Variants in GRIK2 observed in about 807,000 individuals in gnomAD.
The protein encoded by GRIK2 is glutamate ionotropic receptor kainate type subunit 2, also known as glutamate receptor ionotropic, kainate 2.
A neutral mutation model predicts 100.3 loss-of-function variants in GRIK2; 32 were observed. That is an observed-to-expected ratio of 0.32 (90% CI 0.24 to 0.43). The LOEUF is 0.43. GRIK2 is among the 20% of genes least tolerant of loss of function. The pLI, the probability that GRIK2 is intolerant of heterozygous loss-of-function variation, is 1.00. For missense variants in GRIK2, 843 were observed against 1,114.9 expected (o/e 0.76, Z 3.47); for synonymous variants, 417 against 389.4 (o/e 1.07, Z -0.83).
At chr6:101,544,240 A>G (rs1776133881) in intron 2 of GRIK2, among the ~76,000 whole-genome samples, 1 of 152,174 alleles carries the variant, frequency 6.6e-6, no homozygotes, top group Non-Finnish European at 1.5e-5. Context: ...ACCCAGTGGC[A>G]ATATTTTTAT....
chr6:101,516,914 A>G (rs1423282937), intron 2 of GRIK2, among the ~76,000 whole-genome samples: 2 of 152,078 alleles, frequency 1.3e-5, no homozygotes, highest in African/African-American at 2.4e-5. Context: ...AACACAGTCT[A>G]TGTTTTGACA....
chr6:101,656,677 T>TA (rs1436839011), intron 4 of GRIK2, among the ~76,000 whole-genome samples: 1 of 152,160 alleles, frequency 6.6e-6, no homozygotes, highest in African/African-American at 2.4e-5. Flanking sequence ...AAAGCTACCT[T>TA]AAAAAACACA....
At chr6:102,056,816 AG>A (rs1771484387) in intron 16 of GRIK2, among the ~76,000 whole-genome samples, 1 of 151,986 alleles carries the variant, frequency 6.6e-6, no homozygotes, top group Non-Finnish European at 1.5e-5. Context: ...GCTTGATTAC[AG>A]TACTTGACAC....
At chr6:101,753,295 A>AAAAAAAAAAAAAAAAAGAAGAAG (rs1562358335) in intron 7 of GRIK2, among the ~76,000 whole-genome samples, 3 of 151,272 alleles carry the variant, frequency 2.0e-5, no homozygotes, top group African/African-American at 4.9e-5. Flanking sequence ...AAAAAAAAAA[A>AAAAAAAAAAAAAAAAAGAAGAAG]AAAAAAAGAA....
At chr6:101,727,613 T>TA (rs1335206405) in intron 7 of GRIK2, among the ~76,000 whole-genome samples, 2 of 152,128 alleles carry the variant, frequency 1.3e-5, no homozygotes, top group East Asian at 3.9e-4. Flanking sequence ...GGCTCATTGT[T>TA]ACATTTCCTG....
At chr6:101,790,469 T>G (rs1214127008) in intron 7 of GRIK2, among the ~76,000 whole-genome samples, 3 of 151,576 alleles carry the variant, frequency 2.0e-5, no homozygotes, top group Non-Finnish European at 2.9e-5. Flanking sequence ...GATAATCATG[T>G]GGTTTTTGTC....
chr6:101,826,483 G>C lies in GRIK2; in HGVS notation c.1317+8000G>C, dbSNP rs9485548. Among the ~76,000 whole-genome samples, 617 of 152,086 alleles carry C rather than the reference G, an allele frequency of 4.1e-3. 5 individuals are homozygous for C. Among genetic ancestry groups the C allele is most frequent in the African/African-American group, 0.014 (591 of 41,526 alleles). ...GATGAATGATACTCAAGTATGTATGGAGATGTTGGCAATGACTTTTGAGCA... is the reference window on the plus strand; with the variant it reads ...GATGAATGATACTCAAGTATGTATGCAGATGTTGGCAATGACTTTTGAGCA... On this transcript the variant is annotated intron_variant, in intron 10 of 16. Transcript: ENST00000369134.
At chr6:102,045,039 GC>G (rs1770808532) in intron 15 of GRIK2, among the ~76,000 whole-genome samples, 1 of 151,716 alleles carries the variant, frequency 6.6e-6, no homozygotes, top group Non-Finnish European at 1.5e-5. Flanking sequence ...TGTCCTAATG[GC>G]AAGGACCATA....
At chr6:101,761,486 C>G (rs1777662199) in intron 7 of GRIK2, among the ~76,000 whole-genome samples, 1 of 152,078 alleles carries the variant, frequency 6.6e-6, no homozygotes, top group Non-Finnish European at 1.5e-5. Context: ...TTCTCCAGAG[C>G]TCATGATAGC....
chr6:101,835,410 C>T (rs1352607769), intron 10 of GRIK2, among the ~76,000 whole-genome samples: 1 of 150,544 alleles, frequency 6.6e-6, no homozygotes. Context: ...AAAATTCTTA[C>T]CAATCTGAAA....
intron 4 of GRIK2, among the ~76,000 whole-genome samples, chr6:101,629,739 CAG>C (rs1258739795): frequency 4.6e-5 from 7 of 152,026 alleles, no homozygotes; most frequent in African/African-American, 1.7e-4. Flanking sequence ...ATTTTAAAAT[CAG>C]GGAGTGCATG....
chr6:101,505,945 A>T (rs145465175), intron 2 of GRIK2, among the ~76,000 whole-genome samples: 1 of 152,124 alleles, frequency 6.6e-6, no homozygotes. Context: ...ATTTGGATCG[A>T]ATATATTGTT....
chr6:101,762,276 A>G (rs550782938), intron 7 of GRIK2, among the ~76,000 whole-genome samples: 5 of 151,930 alleles, frequency 3.3e-5, no homozygotes, highest in South Asian at 2.1e-4. Flanking sequence ...CTGTGCTCGA[A>G]TGATCCTCCC....
intron 2 of GRIK2, among the ~76,000 whole-genome samples, chr6:101,525,034 C>G (rs941952930): frequency 6.6e-6 from 1 of 151,994 alleles, no homozygotes; most frequent in Non-Finnish European, 1.5e-5. Context: ...CACTGAGCCC[C>G]CACTTGCGTG....
At chr6:101,526,719 A>G (rs1258570825) in intron 2 of GRIK2, among the ~76,000 whole-genome samples, 1 of 152,184 alleles carries the variant, frequency 6.6e-6, no homozygotes, top group Non-Finnish European at 1.5e-5. Flanking sequence ...AAAGGAAGCT[A>G]CAGGTTGTAG....
intron 2 of GRIK2, among the ~76,000 whole-genome samples, chr6:101,548,146 C>T (rs111870327): frequency 0.052 from 7,963 of 151,860 alleles, 239 homozygotes; most frequent in Middle Eastern, 0.065. Flanking sequence ...TCATATCCTT[C>T]GCCCACTTTT....
intron 2 of GRIK2, among the ~76,000 whole-genome samples, chr6:101,504,585 T>TTA (rs1773926172): frequency 6.6e-6 from 1 of 151,614 alleles, no homozygotes. Context: ...ATGTAATACA[T>TTA]TATATATATT....
At chr6:101,704,350 AG>A (rs1265305912) in intron 7 of GRIK2, among the ~76,000 whole-genome samples, 2 of 151,646 alleles carry the variant, frequency 1.3e-5, no homozygotes, top group African/African-American at 4.8e-5. Flanking sequence ...AAGTTCTCCA[AG>A]GGGGTGAAAA....
intron 2 of GRIK2, among the ~76,000 whole-genome samples, chr6:101,505,928 G>T (rs147458216): frequency 6.6e-6 from 1 of 151,996 alleles, no homozygotes; most frequent in East Asian, 1.9e-4. Context: ...ATGCAAAAAG[G>T]CTTTAAATTT....
Sources: gnomAD v4.1 joint callset for allele counts (sites outside exome capture counted in the v4.1 genomes callset) on GRCh38, gnomAD v4.1.1 for gene constraint, MANE v1.5 for transcripts, NCBI Gene and HGNC (gene_info 2026-07-23, HGNC 2026-07-21) for gene names.